LRP2BP: variants seen among roughly 807,000 people sequenced by gnomAD.
LRP2BP encodes the protein LRP2-binding protein.
In LRP2BP, 38 loss-of-function variants were observed where a neutral mutation model predicts 45.2. That is an observed-to-expected ratio of 0.84 (90% CI 0.65 to 1.10). The LOEUF is 1.10. LRP2BP is among the 50% of genes least tolerant of loss of function. The probability of loss-of-function intolerance (pLI) is 0.00; values close to 1 mark genes in which losing one functional copy is unlikely to be tolerated. For synonymous variants in LRP2BP, 153 were observed against 153.9 expected (o/e 0.99, Z 0.04); for missense variants, 385 against 418.9 (o/e 0.92, Z 0.71).
intron 1 of LRP2BP, among the ~76,000 whole-genome samples, chr4:185,393,188 C>T (rs2095492881): frequency 6.6e-6 from 1 of 152,186 alleles, no homozygotes; most frequent in East Asian, 1.9e-4. Context: ...GCCTCAGCCT[C>T]CCAAAGTGTT....
chr4:185,391,524 AGTT>A (rs2095488357), intron 1 of LRP2BP, among the ~76,000 whole-genome samples: 1 of 152,208 alleles, frequency 6.6e-6, no homozygotes, highest in Non-Finnish European at 1.5e-5. Flanking sequence ...TTATTCATTC[AGTT>A]GTTTATATCA....
chr4:185,392,379 C>T (rs2095490428), intron 1 of LRP2BP, among the ~76,000 whole-genome samples: 1 of 152,114 alleles, frequency 6.6e-6, no homozygotes, highest in Non-Finnish European at 1.5e-5. Context: ...GCCACAATAT[C>T]CTGTTGCAGC....
intron 1 of LRP2BP, among the ~76,000 whole-genome samples, chr4:185,383,008 A>T (rs145276762): frequency 6.6e-6 from 1 of 152,320 alleles, no homozygotes; most frequent in Non-Finnish European, 1.5e-5. Context: ...GGAAAGGTCC[A>T]AATCAGTTCT....
intron 1 of LRP2BP, among the ~76,000 whole-genome samples, chr4:185,384,769 A>T (rs1481981589): frequency 2.6e-5 from 4 of 151,592 alleles, no homozygotes. Flanking sequence ...TCATATAGTA[A>T]TTGGAAACAC....
intron 1 of LRP2BP, among the ~76,000 whole-genome samples, chr4:185,382,077 A>G (rs1040147130): frequency 2.0e-5 from 3 of 152,092 alleles, no homozygotes; most frequent in Admixed American, 1.3e-4. Context: ...TTCTGTCTCT[A>G]TGGATTTGCC....
chr4:185,393,715 G>C (rs1350340521), intron 1 of LRP2BP, among the ~76,000 whole-genome samples: 1 of 151,602 alleles, frequency 6.6e-6, no homozygotes, highest in Non-Finnish European at 1.5e-5. Flanking sequence ...TAGTAGAGAC[G>C]GGGTTTCACC....
intron 1 of LRP2BP, among the ~76,000 whole-genome samples, chr4:185,385,425 G>A (rs952277923): frequency 6.6e-6 from 1 of 152,060 alleles, no homozygotes. Context: ...CAAAATCAGG[G>A]TCGCAAAGAG....
chr4:185,397,176 G>C, upstream of LRP2BP: 1 of 1,613,744 alleles, frequency 6.2e-7, no homozygotes. Context: ...ATTTGCTGGA[G>C]ACAGGGGCCT....
intron 1 of LRP2BP, among the ~76,000 whole-genome samples, chr4:185,380,918 C>T (rs1335634211): frequency 2.0e-5 from 3 of 151,982 alleles, no homozygotes; most frequent in Non-Finnish European, 2.9e-5. Flanking sequence ...CACATCTAGT[C>T]TGCCATTAAA....
In LRP2BP at chr4:185,367,328, C is replaced by T. The variant is rs116425216; in HGVS notation, c.979-83G>A. On this transcript the variant is annotated intron_variant, in intron 8 of 8. Transcript: ENST00000505916. ...CTTTTTTTTTTTTTCTTTTTTGATT[C>T]ATTTTTAAGAATAGTAAAGTACAGT... is the stretch of plus-strand genomic sequence containing the variant. The T allele has an allele frequency of 2.8e-3, 3,478 of 1,234,222 alleles. 75 individuals are homozygous for T. The African/African-American group carries it at 0.05, about 18-fold the overall frequency. The allele number at this position is 1,234,222 out of a possible 1,614,324, so 76.5% of individuals were successfully genotyped here.
At position 185,364,090 on chromosome 4, in the gene LRP2BP, G is replaced by A. The variant is rs2095378232; in HGVS notation, c.*3090C>T. On this transcript the variant is annotated 3_prime_UTR_variant, in exon 9 of 9. Transcript: ENST00000505916. ...CTATGTACTTAACTACTTCTGCAGGGAAGTAAAAGTTTGCTGCCTTCTCCA... is the reference window on the plus strand; with the variant it reads ...CTATGTACTTAACTACTTCTGCAGGAAAGTAAAAGTTTGCTGCCTTCTCCA... 6.6e-6 allele frequency: 1 copy of A among 152,398 alleles called. No homozygotes were observed. The highest frequency in any genetic ancestry group is 2.1e-4 in the South Asian group (1 of 4,820). 9.4% of individuals were successfully genotyped at this position (152,398 alleles called of 1,614,324 possible).
chr4:185,387,821 C>T (rs543039372), intron 1 of LRP2BP, among the ~76,000 whole-genome samples: 1 of 152,322 alleles, frequency 6.6e-6, no homozygotes, highest in African/African-American at 2.4e-5. Flanking sequence ...AGAAGCCAGC[C>T]CCCAGCCCCG....
rs2095384812 is a variant in LRP2BP at position 185,365,674 on chromosome 4, C to T, written c.*1506G>A. ...GGGCTAAGATTAGGTCAGGAGACTC[C>T]GTCTCAAAAAAAAAAAAATAATAAT... On this transcript the variant is annotated 3_prime_UTR_variant, in exon 9 of 9. Transcript: ENST00000505916. 7.8e-6 allele frequency: 1 copy of T among 128,620 alleles called. No homozygotes were observed. Among genetic ancestry groups the T allele is most frequent in the Non-Finnish European group, 1.6e-5 (1 of 63,342 alleles). The allele number at this position is 128,620 out of a possible 1,614,324, so 8.0% of individuals were successfully genotyped here.
At chr4:185,396,015 C>T (rs2095501401), upstream of LRP2BP, 1 of 628,882 alleles carries the variant, frequency 1.6e-6, no homozygotes, top group Non-Finnish European at 2.0e-6. Flanking sequence ...ACCCGCGGGG[C>T]CGGACAGCGG....
upstream of LRP2BP, chr4:185,397,208 C>T (rs1468353411): frequency 7.4e-6 from 12 of 1,614,086 alleles, no homozygotes; most frequent in Non-Finnish European, 1.0e-5. Flanking sequence ...CCCCCGGATC[C>T]CTGCAAGCAG....
At chr4:185,382,140 C>G (rs773432425) in intron 1 of LRP2BP, among the ~76,000 whole-genome samples, 1 of 152,082 alleles carries the variant, frequency 6.6e-6, no homozygotes, top group Non-Finnish European at 1.5e-5. Flanking sequence ...CCTTTTATGT[C>G]TGGCTTCTTT....
At chr4:185,378,566 C>T (rs2095445926) in intron 1 of LRP2BP, 2 of 1,013,180 alleles carry the variant, frequency 2.0e-6, no homozygotes, top group Non-Finnish European at 2.4e-6. Context: ...AGCTCTTCTG[C>T]ACTGGTACCT....
At chr4:185,376,677 T>C (rs1415355127) in intron 3 of LRP2BP, among the ~76,000 whole-genome samples, 1 of 152,140 alleles carries the variant, frequency 6.6e-6, no homozygotes, top group Non-Finnish European at 1.5e-5. Context: ...ATGGATTTTA[T>C]ACTAAAACGA....
At chr4:185,377,090 A>G in intron 2 of LRP2BP, 72 bp from the exon 3 acceptor site, 1 of 1,079,516 alleles carries the variant, frequency 9.3e-7, no homozygotes, top group South Asian at 1.3e-5. Flanking sequence ...AATGAATCAT[A>G]TAAAATCCAT....
Sources: allele counts gnomAD v4.1 joint callset (sites outside exome capture counted in the v4.1 genomes callset), GRCh38; gene constraint gnomAD v4.1.1; transcripts MANE v1.5; gene names NCBI Gene and HGNC (gene_info 2026-07-23, HGNC 2026-07-21).